BCKDHB: variants seen among roughly 807,000 people sequenced by gnomAD.
BCKDHB encodes the protein 2-oxoisovalerate dehydrogenase subunit beta, mitochondrial.
A neutral mutation model predicts 48.5 loss-of-function variants in BCKDHB; 41 were observed. The observed-to-expected ratio is 0.85, with a 90% CI of 0.66 to 1.10. BCKDHB has a LOEUF of 1.10. Ranked by LOEUF, BCKDHB falls within the 50% of genes least tolerant of loss-of-function variation. The pLI, the probability that BCKDHB is intolerant of heterozygous loss-of-function variation, is 0.00. For synonymous variants in BCKDHB, 201 were observed against 174.8 expected (o/e 1.15, Z -1.18); for missense variants, 496 against 494.2 (o/e 1.00, Z -0.03).
the BCKDHB span, among the ~76,000 whole-genome samples, chr6:80,363,691 C>G: frequency 6.6e-6 from 1 of 152,150 alleles, no homozygotes; most frequent in African/African-American, 2.4e-5. Flanking sequence ...AAGGAGATTA[C>G]AAAAGAAATG....
downstream of BCKDHB, among the ~76,000 whole-genome samples, chr6:80,348,290 TG>T (rs1188185065): frequency 2.6e-5 from 4 of 152,190 alleles, no homozygotes; most frequent in Admixed American, 1.3e-4. Flanking sequence ...TAAAAATTCT[TG>T]GTCAAAATGT....
At chr6:80,265,252 C>A (rs192358455) in intron 8 of BCKDHB, among the ~76,000 whole-genome samples, 6 of 152,160 alleles carry the variant, frequency 3.9e-5, no homozygotes, top group South Asian at 4.2e-4. Flanking sequence ...TATTTGTACA[C>A]CTATGCTCAT....
intron 9 of BCKDHB, among the ~76,000 whole-genome samples, chr6:80,289,870 C>G (rs78059644): frequency 0.014 from 2,086 of 152,270 alleles, 37 homozygotes; most frequent in African/African-American, 0.048. Flanking sequence ...CTCTTCATCC[C>G]TTTCTGGGAG....
chr6:80,232,437 A>G (rs1775966757), intron 8 of BCKDHB, among the ~76,000 whole-genome samples: 2 of 151,886 alleles, frequency 1.3e-5, no homozygotes, highest in Non-Finnish European at 2.9e-5. Context: ...AAATCTAAAT[A>G]TGTATCAGTA....
chr6:80,144,360 C>G (rs1357593542), intron 3 of BCKDHB, among the ~76,000 whole-genome samples: 1 of 152,248 alleles, frequency 6.6e-6, no homozygotes, highest in South Asian at 2.1e-4. Context: ...TGTCCAAGAA[C>G]TTTTTAGCTT....
intron 3 of BCKDHB, among the ~76,000 whole-genome samples, chr6:80,137,440 G>A (rs540804421): frequency 1.6e-4 from 24 of 152,142 alleles, no homozygotes; most frequent in Non-Finnish European, 2.6e-4. Flanking sequence ...CTATACTGGA[G>A]TGTGGTGGTA....
chr6:80,381,738 A>G, the BCKDHB span, among the ~76,000 whole-genome samples: 24 of 152,082 alleles, frequency 1.6e-4, no homozygotes, highest in Non-Finnish European at 4.4e-5. Flanking sequence ...ACCAGCCACA[A>G]TGTTTCTTCT....
At chr6:80,196,511 T>A (rs1213044529) in intron 6 of BCKDHB, among the ~76,000 whole-genome samples, 2 of 152,160 alleles carry the variant, frequency 1.3e-5, no homozygotes, top group Non-Finnish European at 2.9e-5. Context: ...TCTTTGTAAC[T>A]CACAGTTGAG....
intron 9 of BCKDHB, among the ~76,000 whole-genome samples, chr6:80,323,807 C>G (rs906958274): frequency 1.3e-5 from 2 of 152,200 alleles, no homozygotes; most frequent in Non-Finnish European, 2.9e-5. Flanking sequence ...GAATCTCGCT[C>G]TGTTGCCCAG....
At chr6:80,258,155 GA>G (rs1452325859) in intron 8 of BCKDHB, among the ~76,000 whole-genome samples, 1 of 152,098 alleles carries the variant, frequency 6.6e-6, no homozygotes, top group Non-Finnish European at 1.5e-5. Flanking sequence ...TTTTATCATA[GA>G]ATTTTGCTTC....
At chr6:80,248,658 T>C (rs1194615954) in intron 8 of BCKDHB, among the ~76,000 whole-genome samples, 1 of 152,108 alleles carries the variant, frequency 6.6e-6, no homozygotes, top group Non-Finnish European at 1.5e-5. Context: ...AATGAGTGGA[T>C]GATGGACAAT....
chr6:80,121,169 T>G (rs1232011038), intron 1 of BCKDHB, among the ~76,000 whole-genome samples: 3 of 152,214 alleles, frequency 2.0e-5, no homozygotes, highest in African/African-American at 7.2e-5. Flanking sequence ...GATCAGATGG[T>G]TGTAGATTTG....
the BCKDHB span, among the ~76,000 whole-genome samples, chr6:80,404,651 C>T: frequency 6.6e-6 from 1 of 151,824 alleles, no homozygotes; most frequent in Non-Finnish European, 1.5e-5. Context: ...TAAGGTATAA[C>T]AGGTTGTTTA....
intron 3 of BCKDHB, among the ~76,000 whole-genome samples, chr6:80,159,295 C>T (rs561253560): frequency 6.8e-6 from 1 of 147,164 alleles, no homozygotes; most frequent in Non-Finnish European, 1.5e-5. Flanking sequence ...TATAAAAAAA[C>T]CCAAAAAAAC....
At chr6:80,245,729 A>G (rs368813664) in intron 8 of BCKDHB, among the ~76,000 whole-genome samples, 1 of 151,990 alleles carries the variant, frequency 6.6e-6, no homozygotes, top group East Asian at 1.9e-4. Context: ...CTTCTTTTCT[A>G]CTCTCTGTCA....
the BCKDHB span, among the ~76,000 whole-genome samples, chr6:80,365,159 A>C: frequency 6.6e-6 from 1 of 152,200 alleles, no homozygotes; most frequent in Non-Finnish European, 1.5e-5. Context: ...ACTACTGATA[A>C]GGGTCCAACA....
intron 1 of BCKDHB, among the ~76,000 whole-genome samples, chr6:80,120,837 A>G (rs942822615): frequency 6.6e-6 from 1 of 151,860 alleles, no homozygotes; most frequent in African/African-American, 2.4e-5. Context: ...ATGATAGTTT[A>G]TTTTGCCGTG....
At chr6:80,399,484 C>G in the BCKDHB span, among the ~76,000 whole-genome samples, 1 of 152,042 alleles carries the variant, frequency 6.6e-6, no homozygotes, top group African/African-American at 2.4e-5. Flanking sequence ...ATCAGAAATG[C>G]AATCCTATTC....
the BCKDHB span, among the ~76,000 whole-genome samples, chr6:80,381,542 TCAG>T: frequency 1.3e-5 from 2 of 152,142 alleles, no homozygotes; most frequent in African/African-American, 4.8e-5. Flanking sequence ...GGTGATGAGG[TCAG>T]CAGGTTTTCT....
Sources: gnomAD v4.1 joint callset for allele counts (sites outside exome capture counted in the v4.1 genomes callset) on GRCh38, gnomAD v4.1.1 for gene constraint, MANE v1.5 for transcripts, NCBI Gene and HGNC (gene_info 2026-07-23, HGNC 2026-07-21) for gene names.